Variants in TBC1D30 observed in about 807,000 individuals in gnomAD.
TBC1D30 encodes TBC1 domain family, member 30.
In TBC1D30, 31 loss-of-function variants were observed where a neutral mutation model predicts 63.2. The observed-to-expected ratio is 0.49, with a 90% CI of 0.37 to 0.66. TBC1D30 has a LOEUF of 0.66. TBC1D30 is among the 30% of genes least tolerant of loss of function. The pLI, the probability that TBC1D30 is intolerant of heterozygous loss-of-function variation, is 0.00. For synonymous variants in TBC1D30, 307 were observed against 361.5 expected (o/e 0.85, Z 1.71); for missense variants, 810 against 953.6 (o/e 0.85, Z 1.98).
chr12:64,865,826 C>T (rs1417290329), intron 9 of TBC1D30, among the ~76,000 whole-genome samples: 1 of 152,154 alleles, frequency 6.6e-6, no homozygotes, highest in African/African-American at 2.4e-5. Context: ...AAGTGTATAC[C>T]ATTAGCAGCC....
At chr12:64,769,438 C>A (rs2136275624) in intron 1 of TBC1D30, among the ~76,000 whole-genome samples, 1 of 150,922 alleles carries the variant, frequency 6.6e-6, no homozygotes, top group Middle Eastern at 3.4e-3. Context: ...AGTGCAGTGG[C>A]ATGATCTCGG....
rs1041623178 is a variant in TBC1D30 at position 64,866,912 on chromosome 12, G to A, written c.1291+9G>A. 1.3e-6 allele frequency: 2 copies of A among 1,535,734 alleles called. No individual in the cohort carries two copies. Among genetic ancestry groups the A allele is most frequent in the Non-Finnish European group, 1.7e-6 (2 of 1,146,842 alleles). On this transcript the variant is annotated intron_variant, in intron 10 of 11. Transcript: ENST00000539867. ...CCAAAAACAAATTAAAGGTAAAGAGGTGGCTCTTGATTTAGATTATCATGA... is the reference window on the plus strand; with the variant it reads ...CCAAAAACAAATTAAAGGTAAAGAGATGGCTCTTGATTTAGATTATCATGA...
intron 9 of TBC1D30, 104 bp from the exon 10 acceptor site, chr12:64,866,639 AATGTTAATTATATGTAATTCT>A: frequency 1.0e-6 from 1 of 954,752 alleles, no homozygotes; most frequent in Non-Finnish European, 1.5e-6. Context: ...GGGGTTTCAC[AATGTTAATTATATGTAATTCT>A]ATGTTAATTA....
At chr12:64,799,859 C>T (rs1872502462) in intron 2 of TBC1D30, among the ~76,000 whole-genome samples, 1 of 152,230 alleles carries the variant, frequency 6.6e-6, no homozygotes, top group Non-Finnish European at 1.5e-5. Flanking sequence ...GTAATCCCAG[C>T]ACTTTGGGAG....
intron 10 of TBC1D30, among the ~76,000 whole-genome samples, chr12:64,867,204 G>A (rs559938808): frequency 3.2e-4 from 48 of 152,196 alleles, no homozygotes; most frequent in African/African-American, 8.2e-4. Context: ...GGTGGCTCAC[G>A]CTTGTAATCC....
At position 64,864,768 on chromosome 12, in the gene TBC1D30, C is replaced by T. The variant is rs1228047997; in HGVS notation, c.1139C>T (p.Thr380Ile). The T allele has an allele frequency of 6.5e-7, 1 of 1,535,196 alleles. No individual in the cohort carries two copies. The highest frequency in any genetic ancestry group is 2.4e-5 in the East Asian group (1 of 40,900). ...CCGTTCCCAGCCACAGTTAAACCCA[C>T]CTCAGTTTCTGGGTAAGGTTTTTAA... is the stretch of plus-strand genomic sequence containing the variant. ...ITPFPATVKPTSVSGRHSKAR... is the reference protein window; with the variant it reads ...ITPFPATVKPISVSGRHSKAR... Residue 380 changes from threonine to isoleucine, a missense_variant, in exon 9 of 12, where the codon ACC (threonine) becomes ATC (isoleucine). Thr to Ile is a moderately conservative substitution (Grantham distance 89). Coordinates refer to ENST00000539867, the MANE Select transcript of TBC1D30 (RefSeq NM_015279.2).
chr12:64,819,476 G>T (rs972977894), intron 2 of TBC1D30, among the ~76,000 whole-genome samples: 17 of 145,146 alleles, frequency 1.2e-4, no homozygotes, highest in African/African-American at 4.4e-4. Flanking sequence ...CAGTGCAGTG[G>T]CATGATCTCG....
upstream of TBC1D30, among the ~76,000 whole-genome samples, chr12:64,821,220 T>C (rs1873866474): frequency 6.6e-6 from 1 of 152,248 alleles, no homozygotes; most frequent in South Asian, 2.1e-4. Flanking sequence ...GGGTATTGAC[T>C]GCTATTAACT....
intron 7 of TBC1D30, among the ~76,000 whole-genome samples, chr12:64,841,040 A>G (rs1875823261): frequency 6.6e-6 from 1 of 152,170 alleles, no homozygotes; most frequent in African/African-American, 2.4e-5. Context: ...AAATTTCCCC[A>G]GGAAGGTTAA....
chr12:64,795,081 A>G (rs914123978), intron 2 of TBC1D30, among the ~76,000 whole-genome samples: 1 of 152,168 alleles, frequency 6.6e-6, no homozygotes, highest in Non-Finnish European at 1.5e-5. Context: ...TAAGTGTGGG[A>G]GTCTAAATGC....
At chr12:64,845,742 A>AAT (rs917213098) in intron 8 of TBC1D30, among the ~76,000 whole-genome samples, 1 of 151,556 alleles carries the variant, frequency 6.6e-6, no homozygotes, top group African/African-American at 2.4e-5. Flanking sequence ...AAAAAAAAAA[A>AAT]AATCGCTCCT....
intron 5 of TBC1D30, among the ~76,000 whole-genome samples, chr12:64,834,694 C>T (rs1318315243): frequency 6.7e-6 from 1 of 150,102 alleles, no homozygotes; most frequent in Non-Finnish European, 1.5e-5. Flanking sequence ...CAGGCATGAG[C>T]CACCGTGCCG....
At chr12:64,850,946 G>A (rs545986497) in intron 8 of TBC1D30, among the ~76,000 whole-genome samples, 45 of 152,268 alleles carry the variant, frequency 3.0e-4, no homozygotes, top group African/African-American at 1.1e-3. Context: ...CTCAATTTCA[G>A]AACTTGTTAT....
At chr12:64,780,205 C>G (rs963396365), upstream of TBC1D30, among the ~76,000 whole-genome samples, 11 of 152,174 alleles carry the variant, frequency 7.2e-5, no homozygotes, top group Non-Finnish European at 1.3e-4. Flanking sequence ...GCCAGGTGTT[C>G]AGAGTTTTAG....
At chr12:64,765,719 G>A (rs1383529651) in intron 1 of TBC1D30, among the ~76,000 whole-genome samples, 2 of 151,320 alleles carry the variant, frequency 1.3e-5, no homozygotes, top group African/African-American at 4.9e-5. Context: ...AACTGGGCCA[G>A]GCACAGTGGC....
intron 8 of TBC1D30, among the ~76,000 whole-genome samples, chr12:64,860,330 T>C (rs1190004451): frequency 6.6e-6 from 1 of 152,164 alleles, no homozygotes. Flanking sequence ...TTTTTTTTAA[T>C]GTATTTTAGA....
At chr12:64,867,738 G>T in intron 10 of TBC1D30, among the ~76,000 whole-genome samples, 1 of 151,962 alleles carries the variant, frequency 6.6e-6, no homozygotes, top group East Asian at 1.9e-4. Flanking sequence ...AAACATTATG[G>T]TGACCTCTAC....
Position 64,876,390 on chromosome 12 carries a change from T to C in TBC1D30, c.*602T>C, listed in dbSNP as rs981418406. 1 of 161,294 alleles carries C rather than the reference T, an allele frequency of 6.2e-6. No homozygotes were observed. The highest frequency in any genetic ancestry group is 1.4e-5 in the Non-Finnish European group (1 of 73,496). 10.0% of individuals were successfully genotyped at this position (161,294 alleles called of 1,614,324 possible). A position where few individuals can be genotyped will look rare whatever the true frequency, so the allele number is the denominator to read the frequency against. On this transcript the variant is annotated 3_prime_UTR_variant, in exon 12 of 12. Transcript: ENST00000539867. ...TAGATAGCCTTTCTTTAACTGTCTA[T>C]TTCTACCTGCAAAATGAAGAAAACC...
intron 2 of TBC1D30, among the ~76,000 whole-genome samples, chr12:64,810,160 T>C (rs1873123418): frequency 6.6e-6 from 1 of 152,170 alleles, no homozygotes; most frequent in African/African-American, 2.4e-5. Context: ...TGACCTTTGG[T>C]ATTTGAGACA....
Sources: gnomAD v4.1 joint callset for allele counts (sites outside exome capture counted in the v4.1 genomes callset) on GRCh38, gnomAD v4.1.1 for gene constraint, MANE v1.5 for transcripts, NCBI Gene and HGNC (gene_info 2026-07-23, HGNC 2026-07-21) for gene names.